Variants in CRYBG3 observed in about 807,000 individuals in gnomAD.
CRYBG3 encodes crystallin beta-gamma domain containing 3, also known as very large A-kinase anchor protein.
CRYBG3 carries 127 observed loss-of-function variants against 244.2 expected under a neutral mutation model. The ratio of observed to expected loss-of-function variants is 0.52; its 90% CI spans 0.45 to 0.60. The LOEUF is 0.60. CRYBG3 is among the 20% of genes least tolerant of loss of function. CRYBG3 has a pLI of 0.00. For synonymous variants in CRYBG3, 1,132 were observed against 1,195.8 expected (o/e 0.95, Z 1.10); for missense variants, 3,325 against 3,442.5 (o/e 0.97, Z 0.85).
Position 97,874,853 on chromosome 3 carries a change from C to T in CRYBG3, c.3659C>T (p.Thr1220Ile). Reference sequence around the variant, plus strand: ...AGGGAAGAACTAAAATTCAAACACACAGTGAGTACCTGCCAGGAGCATATA... The same window carrying T: ...AGGGAAGAACTAAAATTCAAACACATAGTGAGTACCTGCCAGGAGCATATA... ...SVREELKFKH[T>I]VSTCQEHIAI... Residue 1220 changes from threonine (T) to isoleucine (I), a missense_variant, in exon 4 of 22, where the codon ACA (threonine) becomes ATA (isoleucine). This residue lies in a region of CRYBG3 where 1,526 missense variants were observed against 1,443.2 expected (regional missense o/e 1.06). Transcript: ENST00000389622. The T allele has an allele frequency of 1.3e-6, 2 of 1,535,638 alleles. No homozygotes were observed. The highest frequency in any genetic ancestry group is 1.7e-6 in the Non-Finnish European group (2 of 1,146,686).
At chr3:97,920,353 C>T (rs2039970138) in intron 17 of CRYBG3, among the ~76,000 whole-genome samples, 1 of 152,086 alleles carries the variant, frequency 6.6e-6, no homozygotes, top group Admixed American at 6.6e-5. Flanking sequence ...TCAGCTCTTA[C>T]CTCCATCAGT....
intron 7 of CRYBG3, among the ~76,000 whole-genome samples, chr3:97,883,783 T>C (rs2039477229): frequency 6.6e-6 from 1 of 152,222 alleles, no homozygotes; most frequent in Admixed American, 6.5e-5. Flanking sequence ...TAATTAGGCA[T>C]CAAACTGCTT....
intron 2 of CRYBG3, among the ~76,000 whole-genome samples, chr3:97,851,205 G>A (rs1400307138): frequency 2.6e-5 from 4 of 151,588 alleles, no homozygotes; most frequent in East Asian, 1.9e-4. Flanking sequence ...AACTAATAAA[G>A]CATTTTTCTC....
In CRYBG3 at chr3:97,877,472, G is replaced by C. The variant is rs555962271; in HGVS notation, c.6278G>C (p.Ser2093Thr). 8.0e-5 allele frequency: 129 copies of C among 1,614,156 alleles called. No homozygotes were observed. The highest frequency in any genetic ancestry group is 4.9e-4 in the Middle Eastern group (3 of 6,062). The change falls in exon 4 of 22, where the codon AGC becomes ACC. Residue 2093 changes from serine (S) to threonine (T), a missense_variant. Ser to Thr is a moderately conservative substitution (Grantham distance 58). Around this residue, in one of 4 missense-constraint regions of CRYBG3, gnomAD observed 450 missense variants for 424.1 expected, o/e 1.06. Coordinates refer to ENST00000389622, the MANE Select transcript of CRYBG3 (RefSeq NM_153605.4). ...TTGTCTCCCATTTATGAGGATGACA[G>C]CTCACAGGAGGACATTCTATCTAGT... ...LALSPIYEDD[S>T]SQEDILSSEV...
rs770682622 is a variant in CRYBG3, at chr3:97,872,303, C to T, written c.1109C>T (p.Pro370Leu). Residue 370 changes from proline to leucine, a missense_variant, in exon 4 of 22, where the codon CCG (proline) becomes CTG (leucine). By Grantham distance (98) the Pro-to-Leu change is moderately conservative. Around this residue, in one of 4 missense-constraint regions of CRYBG3, gnomAD observed 1,526 missense variants for 1,443.2 expected, o/e 1.06. Transcript: ENST00000389622. ...SDSQHHLSCE[P>L]VSQTNRNLVC... ...TCACAGCACCATTTAAGTTGTGAAC[C>T]GGTTTCTCAGACTAACAGAAATTTG... 1.6e-4 allele frequency: 244 copies of T among 1,535,696 alleles called. No homozygotes were observed. Among genetic ancestry groups the T allele is most frequent in the Non-Finnish European group, 2.0e-4 (226 of 1,146,724 alleles).
At chr3:97,916,331 A>G (rs1038692280) in intron 17 of CRYBG3, among the ~76,000 whole-genome samples, 3 of 152,176 alleles carry the variant, frequency 2.0e-5, no homozygotes, top group African/African-American at 7.2e-5. Context: ...TTTGGGAACC[A>G]GGGCCTTTCT....
At chr3:97,938,466 T>G (rs1480036170) in intron 19 of CRYBG3, among the ~76,000 whole-genome samples, 1 of 152,032 alleles carries the variant, frequency 6.6e-6, no homozygotes, top group East Asian at 1.9e-4. Flanking sequence ...TAACCCTTAC[T>G]TAAGTGTTAA....
chr3:97,837,587 A>G (rs2038752368), intron 1 of CRYBG3, among the ~76,000 whole-genome samples: 1 of 152,108 alleles, frequency 6.6e-6, no homozygotes, highest in African/African-American at 2.4e-5. Flanking sequence ...TTGGAAACAA[A>G]GGAGAGAAGG....
At chr3:97,890,277 C>T (rs1057229585) in intron 10 of CRYBG3, among the ~76,000 whole-genome samples, 5 of 152,242 alleles carry the variant, frequency 3.3e-5, no homozygotes, top group African/African-American at 9.6e-5. Flanking sequence ...TAGTTTGGGC[C>T]GTGGTCAACA....
intron 12 of CRYBG3, among the ~76,000 whole-genome samples, chr3:97,897,888 GT>G (rs1339045661): frequency 1.3e-5 from 2 of 152,054 alleles, no homozygotes; most frequent in African/African-American, 4.8e-5. Context: ...TGAGCAATAT[GT>G]TTTGACAAAA....
At chr3:97,942,897 G>GTTTTGTTGGTGTAGAAA (rs1288215579) in intron 21 of CRYBG3, 2 of 266,140 alleles carry the variant, frequency 7.5e-6, no homozygotes, top group Non-Finnish European at 1.4e-5. Flanking sequence ...GTTAGTCACA[G>GTTTTGTTGGTGTAGAAA]TTTTGTTGGT....
intron 16 of CRYBG3, among the ~76,000 whole-genome samples, chr3:97,914,646 G>A (rs2039908039): frequency 6.6e-6 from 1 of 152,012 alleles, no homozygotes; most frequent in Non-Finnish European, 1.5e-5. Flanking sequence ...GGGTAATAAC[G>A]GTACCTACCT....
chr3:97,936,320 G>C (rs1049535014), intron 18 of CRYBG3, among the ~76,000 whole-genome samples: 15 of 152,030 alleles, frequency 9.9e-5, no homozygotes, highest in Non-Finnish European at 1.8e-4. Flanking sequence ...ACAATTCTAA[G>C]AAGTCTTGGT....
At chr3:97,921,946 T>A in intron 17 of CRYBG3, among the ~76,000 whole-genome samples, 1 of 152,218 alleles carries the variant, frequency 6.6e-6, no homozygotes, top group East Asian at 1.9e-4. Context: ...CCCTGGCAGC[T>A]CCAAGGAGGC....
chr3:97,875,781 T>A lies in CRYBG3; in HGVS notation c.4587T>A (p.Asp1529Glu). 1 of 1,231,534 alleles carries A rather than the reference T, an allele frequency of 8.1e-7. No homozygotes were observed. The highest frequency in any genetic ancestry group is 1.0e-6 in the Non-Finnish European group (1 of 987,652). 76.3% of individuals were successfully genotyped at this position (1,231,534 alleles called of 1,614,324 possible). Residue 1529 changes from aspartate to glutamate, a missense_variant, in exon 4 of 22, where the codon GAT becomes GAA. Asp to Glu is a conservative substitution (Grantham distance 45). Around this residue, in one of 4 missense-constraint regions of CRYBG3, gnomAD observed 635 missense variants for 771.7 expected, o/e 0.82. Transcript: ENST00000389622. Reference protein sequence around the residue: ...MSDVGKVHKKDNEINIGKIEL... With the variant: ...MSDVGKVHKKENEINIGKIEL... ...ATGTAGGGAAAGTACACAAGAAGGA[T>A]AATGAAATAAATATAGGGAAAATTG...
At chr3:97,922,770 G>A (rs1484450346) in intron 17 of CRYBG3, among the ~76,000 whole-genome samples, 1 of 152,164 alleles carries the variant, frequency 6.6e-6, no homozygotes, top group Non-Finnish European at 1.5e-5. Flanking sequence ...CATTGTGGAA[G>A]ACAGTGTGGC....
rs2039325099 is a variant in CRYBG3 at position 97,873,097 on chromosome 3, G to A, written c.1903G>A (p.Val635Ile). 3.3e-6 allele frequency: 5 copies of A among 1,535,248 alleles called. No homozygotes were observed. Among genetic ancestry groups the A allele is most frequent in the Non-Finnish European group, 4.4e-6 (5 of 1,146,614 alleles). ...LDSESPQQAE[V>I]SPDAKTSLSL... The stretch of plus-strand genomic sequence containing the variant: ...CTCTGAGAGTCCTCAACAAGCTGAA[G>A]TATCACCTGATGCTAAAACATCTCT... Residue 635 changes from valine to isoleucine, a missense_variant, in exon 4 of 22, where the codon GTA (valine) becomes ATA (isoleucine). This residue lies in a region of CRYBG3 where 1,526 missense variants were observed against 1,443.2 expected (regional missense o/e 1.06). Transcript: ENST00000389622.
chr3:97,859,333 G>A (rs1049646659), intron 2 of CRYBG3, among the ~76,000 whole-genome samples: 4 of 152,140 alleles, frequency 2.6e-5, no homozygotes, highest in Admixed American at 6.5e-5. Context: ...GCTCAAGGGG[G>A]CAGGGCAACA....
rs576617910 is a variant in CRYBG3, at chr3:97,876,793, G to A, written c.5599G>A (p.Val1867Ile). ...IGKHKVLPAVVDIEKIHGTGL... is the reference protein window; with the variant it reads ...IGKHKVLPAVIDIEKIHGTGL... ...GAAACACAAAGTGTTACCCGCAGTG[G>A]TAGACATTGAGAAAATACATGGAAC... is the stretch of plus-strand genomic sequence containing the variant. The change falls in exon 4 of 22, where the codon GTA becomes ATA. Residue 1867 changes from valine to isoleucine, a missense_variant. Around this residue, in one of 4 missense-constraint regions of CRYBG3, gnomAD observed 635 missense variants for 771.7 expected, o/e 0.82. Transcript: ENST00000389622. The A allele has an allele frequency of 7.7e-7, 1 of 1,294,674 alleles. No homozygotes were observed. The highest frequency in any genetic ancestry group is 3.1e-5 in the South Asian group (1 of 31,774). 80.2% of individuals were successfully genotyped at this position (1,294,674 alleles called of 1,614,324 possible).
Sources: allele counts gnomAD v4.1 joint callset (sites outside exome capture counted in the v4.1 genomes callset), GRCh38; gene constraint gnomAD v4.1.1; regional missense constraint gnomAD v4.1.1; transcripts MANE v1.5; gene names NCBI Gene and HGNC (gene_info 2026-07-23, HGNC 2026-07-21).